The following CNTNAP2 variants were observed in gnomAD, a reference collection of about 807,000 sequenced individuals.
CNTNAP2 encodes contactin-associated protein-like 2.
CNTNAP2 carries 98 observed loss-of-function variants against 155.2 expected under a neutral mutation model. That is an observed-to-expected ratio of 0.63 (90% confidence interval 0.54 to 0.75). The LOEUF is 0.75. Among genes scored for constraint, CNTNAP2 ranks in the 30% least tolerant of loss-of-function variants. The pLI is 0.00. For missense variants in CNTNAP2, 1,727 were observed against 1,688.1 expected (o/e 1.02, Z -0.40); for synonymous variants, 651 against 631.2 (o/e 1.03, Z -0.47).
chr7:147,486,426 G>T (rs1331485007), intron 11 of CNTNAP2, among the ~76,000 whole-genome samples: 3 of 152,152 alleles, frequency 2.0e-5, no homozygotes, highest in African/African-American at 7.2e-5. Context: ...CCGAGAGGGA[G>T]ACACAGGGTA....
intron 8 of CNTNAP2, among the ~76,000 whole-genome samples, chr7:147,245,284 C>T (rs765158835): frequency 6.6e-6 from 1 of 151,768 alleles, no homozygotes; most frequent in Non-Finnish European, 1.5e-5. Context: ...AAATAAAAAC[C>T]TCGGTGTAAA....
At chr7:146,292,686 A>G (rs1800450819) in intron 1 of CNTNAP2, among the ~76,000 whole-genome samples, 1 of 152,224 alleles carries the variant, frequency 6.6e-6, no homozygotes, top group Admixed American at 6.5e-5. Flanking sequence ...TGGTTAGTGC[A>G]GCACTATTCA....
At chr7:147,233,188 C>T (rs1390005566) in intron 8 of CNTNAP2, among the ~76,000 whole-genome samples, 1 of 152,106 alleles carries the variant, frequency 6.6e-6, no homozygotes, top group Non-Finnish European at 1.5e-5. Flanking sequence ...CTCAGGATCC[C>T]ACCTTAGAGA....
chr7:146,743,671 T>A (rs1400651024), intron 1 of CNTNAP2, among the ~76,000 whole-genome samples: 1 of 152,066 alleles, frequency 6.6e-6, no homozygotes. Context: ...TATTGTAATA[T>A]GACAATACAC....
At chr7:147,895,462 T>C (rs998902334) in intron 13 of CNTNAP2, among the ~76,000 whole-genome samples, 4 of 152,212 alleles carry the variant, frequency 2.6e-5, no homozygotes, top group Non-Finnish European at 5.9e-5. Context: ...TAATACAATA[T>C]GCCTTACTTT....
chr7:147,753,785 C>G (rs1880572), intron 13 of CNTNAP2, among the ~76,000 whole-genome samples: 151,689 of 152,302 alleles, frequency 1, 75,540 homozygotes, highest in Middle Eastern at 1. Flanking sequence ...AAAGAGGCTT[C>G]GTACAAACTA....
chr7:148,270,761 G>T (rs933470718), intron 21 of CNTNAP2, among the ~76,000 whole-genome samples: 2 of 152,202 alleles, frequency 1.3e-5, no homozygotes, highest in African/African-American at 2.4e-5. Flanking sequence ...TCATGAAGTA[G>T]AAAGAATGTG....
chr7:147,034,072 T>C (rs915265941), intron 3 of CNTNAP2, among the ~76,000 whole-genome samples: 9 of 152,144 alleles, frequency 5.9e-5, no homozygotes, highest in African/African-American at 2.2e-4. Flanking sequence ...GCCAGGTAAT[T>C]CATGAATTTT....
rs182771168 is a variant in CNTNAP2 at position 146,163,047 on chromosome 7, A to G, written c.97+46074A>G. Among the ~76,000 whole-genome samples the G allele has an allele frequency of 7.7e-4, 118 of 152,314 alleles. 1 individual carries two copies. The highest frequency in any genetic ancestry group is 1.1e-3 in the Non-Finnish European group (76 of 68,030). ...GAGGAGGGATAACATTGTGAGATAT[A>G]CCTGATGTAAATGACCAGTTAACGG... On this transcript the variant is annotated intron_variant, in intron 1 of 23. Coordinates refer to ENST00000361727, the MANE Select transcript of CNTNAP2 (RefSeq NM_014141.6).
chr7:147,671,513 T>A (rs1584891072), intron 13 of CNTNAP2, among the ~76,000 whole-genome samples: 1 of 152,012 alleles, frequency 6.6e-6, no homozygotes, highest in East Asian at 1.9e-4. Flanking sequence ...AAAAAGAAAT[T>A]TTTTTTTGGC....
At chr7:147,988,245 AG>A (rs1434934100) in intron 15 of CNTNAP2, among the ~76,000 whole-genome samples, 2 of 152,198 alleles carry the variant, frequency 1.3e-5, no homozygotes, top group Non-Finnish European at 2.9e-5. Context: ...GAAGTCTTAT[AG>A]TGGATGCCCT....
intron 18 of CNTNAP2, among the ~76,000 whole-genome samples, chr7:148,177,651 G>A (rs559121919): frequency 3.4e-4 from 51 of 152,136 alleles, no homozygotes; most frequent in Non-Finnish European, 6.8e-4. Flanking sequence ...ACCACAACCT[G>A]GTGAAATGAT....
At chr7:147,686,783 A>G (rs767546661) in intron 13 of CNTNAP2, among the ~76,000 whole-genome samples, 8 of 151,830 alleles carry the variant, frequency 5.3e-5, no homozygotes, top group Non-Finnish European at 1.0e-4. Context: ...CCAAGAGGAG[A>G]GGTATTGGAG....
chr7:146,677,577 A>G lies in CNTNAP2; in HGVS notation c.98-96694A>G, dbSNP rs1181096850. 4.3e-4 allele frequency among the ~76,000 whole-genome samples: 66 copies of G among 152,112 alleles called. 1 individual carries two copies. The highest frequency in any genetic ancestry group is 4.3e-3 in the Admixed American group (66 of 15,264). On this transcript the variant is annotated intron_variant, in intron 1 of 23. Coordinates refer to ENST00000361727, the MANE Select transcript of CNTNAP2 (RefSeq NM_014141.6). ...TTACATATCCAATAGGTAGCCTTTCAGCCCACAGTGCCCTCCCTCTCTCTG... is the reference window on the plus strand; with the variant it reads ...TTACATATCCAATAGGTAGCCTTTCGGCCCACAGTGCCCTCCCTCTCTCTG...
At chr7:146,390,542 T>C (rs1161659551) in intron 1 of CNTNAP2, among the ~76,000 whole-genome samples, 1 of 150,908 alleles carries the variant, frequency 6.6e-6, no homozygotes, top group Non-Finnish European at 1.5e-5. Context: ...AATATATGTA[T>C]ATATATACAC....
At chr7:147,571,702 T>A (rs190327932) in intron 12 of CNTNAP2, among the ~76,000 whole-genome samples, 1 of 152,304 alleles carries the variant, frequency 6.6e-6, no homozygotes, top group African/African-American at 2.4e-5. Context: ...ATATTAGGGC[T>A]TATTAACATT....
chr7:146,548,798 G>T (rs2533526), intron 1 of CNTNAP2, among the ~76,000 whole-genome samples: 3,906 of 123,716 alleles, frequency 0.032, 226 homozygotes, highest in African/African-American at 0.11. Context: ...CATTCTCTAG[G>T]TTTTTTTTTT....
intron 21 of CNTNAP2, among the ~76,000 whole-genome samples, chr7:148,346,574 C>A (rs567189818): frequency 7.9e-5 from 12 of 152,018 alleles, no homozygotes; most frequent in South Asian, 4.2e-4. Flanking sequence ...GAGTTCGAGA[C>A]CAGCCCGGCC....
rs73463285 is a variant in CNTNAP2, at chr7:146,990,243, A to G, written c.403-53664A>G. Among the ~76,000 whole-genome samples, 553 of 152,230 alleles carry G rather than the reference A, an allele frequency of 3.6e-3. 3 individuals are homozygous for G. Among genetic ancestry groups the G allele is most frequent in the African/African-American group, 0.013 (526 of 41,542 alleles). On this transcript the variant is annotated intron_variant, in intron 3 of 23. Coordinates refer to ENST00000361727, the MANE Select transcript of CNTNAP2 (RefSeq NM_014141.6). ...TATCCATGCTGAGTCCTGAGTCTCA[A>G]TCATTCAATGAATGAGTTGCTAGGA...
Sources: allele counts gnomAD v4.1 joint callset (sites outside exome capture counted in the v4.1 genomes callset), GRCh38; gene constraint gnomAD v4.1.1; transcripts MANE v1.5; gene names NCBI Gene and HGNC (gene_info 2026-07-23, HGNC 2026-07-21).